Variants in FSTL5 observed in about 807,000 individuals in gnomAD.
FSTL5 encodes the protein follistatin like 5.
FSTL5 carries 62 observed loss-of-function variants against 89.1 expected under a neutral mutation model. That is an observed-to-expected ratio of 0.70 (90% confidence interval 0.57 to 0.86). The LOEUF (loss-of-function observed/expected upper bound fraction) is 0.86, where lower values mean the gene tolerates loss of function less well. FSTL5 is among the 40% of genes least tolerant of loss of function. The pLI is 0.00. For synonymous variants in FSTL5, 383 were observed against 346.2 expected (o/e 1.11, Z -1.18); for missense variants, 1,057 against 1,001.6 (o/e 1.06, Z -0.75).
chr4:161,952,211 TTCTC>T (rs1042999202), intron 3 of FSTL5, among the ~76,000 whole-genome samples: 3 of 152,040 alleles, frequency 2.0e-5, no homozygotes, highest in Admixed American at 6.6e-5. Flanking sequence ...AGCTGCTCTC[TTCTC>T]TCTCTTTTTG....
rs190314220 is a variant in FSTL5 at position 161,719,036 on chromosome 4, G to A, written c.727+40375C>T. On this transcript the variant is annotated intron_variant, in intron 6 of 15. Coordinates refer to ENST00000306100, the MANE Select transcript of FSTL5 (RefSeq NM_020116.5). ...TGGTAACAGTTGGGATATATTGATC[G>A]AAATAATTAATATACAAACTTTCAT... is the stretch of plus-strand genomic sequence containing the variant. 5.3e-3 allele frequency among the ~76,000 whole-genome samples: 806 copies of A among 152,212 alleles called. 2 individuals carry two copies. Among genetic ancestry groups the A allele is most frequent in the Middle Eastern group, 0.014 (4 of 294 alleles).
At chr4:161,469,317 C>T (rs572605627) in intron 13 of FSTL5, among the ~76,000 whole-genome samples, 2 of 152,300 alleles carry the variant, frequency 1.3e-5, no homozygotes, top group African/African-American at 4.8e-5. Flanking sequence ...ATCTATTCAT[C>T]TGTCAACAGA....
chr4:161,717,278 A>G (rs1288270380), intron 6 of FSTL5, among the ~76,000 whole-genome samples: 1 of 152,194 alleles, frequency 6.6e-6, no homozygotes, highest in Non-Finnish European at 1.5e-5. Context: ...AGACTGGGTG[A>G]AATACTTAGA....
chr4:161,889,091 T>C (rs1732905501), intron 4 of FSTL5, among the ~76,000 whole-genome samples: 1 of 152,174 alleles, frequency 6.6e-6, no homozygotes, highest in East Asian at 1.9e-4. Flanking sequence ...AAATGAATTA[T>C]TTTTAAAATG....
At chr4:161,863,655 C>A (rs1731987626) in intron 4 of FSTL5, among the ~76,000 whole-genome samples, 1 of 152,176 alleles carries the variant, frequency 6.6e-6, no homozygotes. Flanking sequence ...CCCTCCCTCA[C>A]TTGTATTGGT....
intron 1 of FSTL5, among the ~76,000 whole-genome samples, chr4:162,135,369 G>A (rs2111467179): frequency 6.6e-6 from 1 of 151,438 alleles, no homozygotes; most frequent in East Asian, 1.9e-4. Flanking sequence ...CTTCATTGTA[G>A]GCATTTATAA....
At chr4:161,721,422 G>A (rs1739212732) in intron 6 of FSTL5, among the ~76,000 whole-genome samples, 1 of 151,670 alleles carries the variant, frequency 6.6e-6, no homozygotes, top group Admixed American at 6.6e-5. Flanking sequence ...TTTTGGAGTT[G>A]ATTAATATAT....
intron 6 of FSTL5, among the ~76,000 whole-genome samples, chr4:161,676,632 A>G (rs1486743281): frequency 6.6e-6 from 1 of 152,060 alleles, no homozygotes; most frequent in African/African-American, 2.4e-5. Context: ...CTGCATATGT[A>G]TCCCAGAACT....
At chr4:162,099,006 CT>C (rs1410183848) in intron 2 of FSTL5, among the ~76,000 whole-genome samples, 1 of 151,942 alleles carries the variant, frequency 6.6e-6, no homozygotes, top group South Asian at 2.1e-4. Context: ...AGATCTTTTT[CT>C]TCTTTTTCTC....
chr4:161,540,706 T>A (rs535459085), intron 9 of FSTL5, among the ~76,000 whole-genome samples: 1 of 152,204 alleles, frequency 6.6e-6, no homozygotes, highest in African/African-American at 2.4e-5. Context: ...TATTTTTTTT[T>A]CCTTTCAGAA....
chr4:162,145,277 A>G (rs1249276830), intron 1 of FSTL5, among the ~76,000 whole-genome samples: 2 of 152,104 alleles, frequency 1.3e-5, no homozygotes, highest in African/African-American at 4.8e-5. Flanking sequence ...AGGAAATAAG[A>G]ATCAAAATGT....
intron 4 of FSTL5, among the ~76,000 whole-genome samples, chr4:161,865,368 A>C (rs997830975): frequency 1.1e-4 from 17 of 152,326 alleles, no homozygotes; most frequent in African/African-American, 3.4e-4. Context: ...TCAATTTATA[A>C]GTCAGTTGAA....
intron 8 of FSTL5, among the ~76,000 whole-genome samples, chr4:161,558,892 A>G (rs1732487731): frequency 1.3e-5 from 2 of 151,844 alleles, no homozygotes; most frequent in Non-Finnish European, 2.9e-5. Flanking sequence ...CATATTTATT[A>G]TCAATTTGAT....
intron 12 of FSTL5, among the ~76,000 whole-genome samples, chr4:161,485,393 T>C (rs1578870491): frequency 6.6e-6 from 1 of 152,328 alleles, no homozygotes; most frequent in African/African-American, 2.4e-5. Context: ...GCCTAATTAC[T>C]ATCATGGTCA....
chr4:161,846,794 T>C (rs910625591), intron 4 of FSTL5, among the ~76,000 whole-genome samples: 2 of 152,196 alleles, frequency 1.3e-5, no homozygotes, highest in African/African-American at 4.8e-5. Flanking sequence ...CCAGGACCAT[T>C]ACCACTTCTC....
At chr4:162,032,846 G>A (rs1737590438) in intron 3 of FSTL5, 1 of 152,046 alleles carries the variant, frequency 6.6e-6, no homozygotes, top group African/African-American at 2.4e-5. Context: ...ATTCAAAAAG[G>A]AGGGAAAAAA....
chr4:161,542,784 A>C (rs566374251), intron 8 of FSTL5, 91 bp from the exon 9 acceptor site: 1 of 700,994 alleles, frequency 1.4e-6, no homozygotes, highest in African/African-American at 1.9e-5. Flanking sequence ...ATAAATAATA[A>C]ATTATATATT....
chr4:161,674,929 A>C lies in FSTL5; in HGVS notation c.728-18435T>G, dbSNP rs141703268. On this transcript the variant is annotated intron_variant, in intron 6 of 15. Transcript: ENST00000306100. Reference sequence around the variant, plus strand: ...TCGGGGGCTCCACTGGGGATGGAGAACCTCTCTTCCACATAGAGGTCTTAT... The same window carrying C: ...TCGGGGGCTCCACTGGGGATGGAGACCCTCTCTTCCACATAGAGGTCTTAT... 6.0e-3 allele frequency among the ~76,000 whole-genome samples: 907 copies of C among 152,080 alleles called. 9 individuals carry two copies. Among genetic ancestry groups the C allele is most frequent in the South Asian group, 0.045 (218 of 4,808 alleles).
rs558933796 is a variant in FSTL5 at position 161,788,928 on chromosome 4, A to T, written c.410-12854T>A. Reference sequence around the variant, plus strand: ...GAAACAAAAATAAAAACAAAAACAAAACAATGCCTGGATTTCAAAAGTTTC... The same window carrying T: ...GAAACAAAAATAAAAACAAAAACAATACAATGCCTGGATTTCAAAAGTTTC... On this transcript the variant is annotated intron_variant, in intron 4 of 15. Transcript: ENST00000306100. 6.6e-5 allele frequency among the ~76,000 whole-genome samples: 10 copies of T among 152,136 alleles called. No individual in the cohort carries two copies. In the South Asian group the frequency reaches 1.9e-3, roughly 28 times the overall value.
Sources: allele counts gnomAD v4.1 joint callset (sites outside exome capture counted in the v4.1 genomes callset), GRCh38; gene constraint gnomAD v4.1.1; transcripts MANE v1.5; gene names NCBI Gene and HGNC (gene_info 2026-07-23, HGNC 2026-07-21).